The following WWC1 variants were observed in gnomAD, a reference collection of about 807,000 sequenced individuals.
WWC1 encodes the protein protein KIBRA.
Under a neutral mutation model 138.4 loss-of-function variants are expected in WWC1, and 55 were observed. The observed-to-expected ratio is 0.40, with a 90% CI of 0.32 to 0.50. The LOEUF (loss-of-function observed/expected upper bound fraction) is 0.50, where lower values mean the gene tolerates loss of function less well. Ranked by LOEUF, WWC1 falls within the 20% of genes least tolerant of loss-of-function variation. WWC1 has a pLI of 0.72. For missense variants in WWC1, 1,226 were observed against 1,420.4 expected, an observed-to-expected ratio of 0.86 and a Z score of 2.20; for synonymous variants, 524 against 564.9, an observed-to-expected ratio of 0.93 and a Z score of 1.03.
intron 1 of WWC1, among the ~76,000 whole-genome samples, chr5:168,332,471 G>C (rs1261433125): frequency 1.3e-5 from 2 of 152,146 alleles, no homozygotes; most frequent in Non-Finnish European, 2.9e-5. Context: ...TACTTTCTTA[G>C]TAATGAAGTA....
intron 14 of WWC1, 151 bp from the exon 15 acceptor site, chr5:168,431,101 A>G (rs1781899085): frequency 4.5e-6 from 3 of 664,760 alleles, no homozygotes; most frequent in Admixed American, 6.1e-5. Flanking sequence ...AGTTCCTTCC[A>G]GTGTATAGGG....
chr5:168,303,463 G>T (rs1185414205), intron 1 of WWC1, among the ~76,000 whole-genome samples: 2 of 152,064 alleles, frequency 1.3e-5, no homozygotes, highest in Non-Finnish European at 2.9e-5. Flanking sequence ...CAAAAAATGA[G>T]CTGGGCATGG....
chr5:168,462,177 A>T (rs72830946), intron 20 of WWC1, among the ~76,000 whole-genome samples: 16,651 of 152,246 alleles, frequency 0.11, 1,265 homozygotes, highest in Non-Finnish European at 0.16. Flanking sequence ...CTGCCTGCTG[A>T]CAGCCAGAAT....
chr5:168,395,309 C>G (rs1778814351), intron 3 of WWC1, among the ~76,000 whole-genome samples: 1 of 152,214 alleles, frequency 6.6e-6, no homozygotes, highest in African/African-American at 2.4e-5. Context: ...GTCCCCCGCT[C>G]CGCCCCACAC....
intron 3 of WWC1, 69 bp downstream of exon 3, chr5:168,385,483 T>C (rs574514659): frequency 4.0e-6 from 6 of 1,514,130 alleles, no homozygotes; most frequent in South Asian, 2.4e-5. Context: ...GTTCTGCCAA[T>C]ATTGCTTCTC....
At chr5:168,408,416 GGAGGGTAGA>G in intron 6 of WWC1, 82 bp from the exon 7 acceptor site, 10 of 1,466,636 alleles carry the variant, frequency 6.8e-6, no homozygotes, top group African/African-American at 5.6e-5. Flanking sequence ...CTAAATTAAG[GGAGGGTAGA>G]GAGGGAAGCA....
chr5:168,410,888 A>C (rs73392741), intron 8 of WWC1, among the ~76,000 whole-genome samples: 15,500 of 151,158 alleles, frequency 0.1, 886 homozygotes, highest in Middle Eastern at 0.12. Context: ...GTAGAGGCAG[A>C]ATTTGAATCC....
rs1582312318 is a variant in WWC1, at chr5:168,441,829, A to G, written c.2428A>G (p.Ser810Gly). 1 of 1,613,466 alleles carries G rather than the reference A, an allele frequency of 6.2e-7. No homozygotes were observed. The highest frequency in any genetic ancestry group is 8.5e-7 in the Non-Finnish European group (1 of 1,179,722). Reference protein sequence around the residue: ...GVMAPASGPASTDAVSALLEQ... With the variant: ...GVMAPASGPAGTDAVSALLEQ... ...CATGGCCCCTGCCTCAGGGCCTGCCAGCACGGTGAGCTGGGACCAGGTGTG... is the reference window on the plus strand; with the variant it reads ...CATGGCCCCTGCCTCAGGGCCTGCCGGCACGGTGAGCTGGGACCAGGTGTG... The change falls in exon 16 of 23, where the codon AGC becomes GGC. Residue 810 changes from serine (S) to glycine (G), a missense_variant. Ser to Gly is a moderately conservative substitution (Grantham distance 56, BLOSUM62 0). Around this residue, in one of 3 missense-constraint regions of WWC1, gnomAD observed 1,016 missense variants for 1,153.9 expected, o/e 0.88. Coordinates refer to ENST00000265293, the MANE Select transcript of WWC1 (RefSeq NM_015238.3).
intron 5 of WWC1, among the ~76,000 whole-genome samples, chr5:168,401,983 G>A (rs1191016158): frequency 6.6e-6 from 1 of 152,136 alleles, no homozygotes; most frequent in Non-Finnish European, 1.5e-5. Context: ...TTACTGAATG[G>A]GTTCTCTCTG....
chr5:168,338,234 C>T (rs1773668823), intron 1 of WWC1, among the ~76,000 whole-genome samples: 1 of 150,632 alleles, frequency 6.6e-6, no homozygotes, highest in South Asian at 2.1e-4. Flanking sequence ...TCACTGGAAG[C>T]AGGGAGGCGG....
chr5:168,323,943 T>A (rs573021067), intron 1 of WWC1, among the ~76,000 whole-genome samples: 1 of 152,292 alleles, frequency 6.6e-6, no homozygotes, highest in Non-Finnish European at 1.5e-5. Flanking sequence ...TGCGGACTTC[T>A]CATCAGAGAC....
chr5:168,404,029 G>T (rs1779596227), intron 5 of WWC1, among the ~76,000 whole-genome samples: 1 of 150,760 alleles, frequency 6.6e-6, no homozygotes, highest in Non-Finnish European at 1.5e-5. Context: ...TCTCAGAGCC[G>T]CTCTCTGGAG....
In WWC1 at chr5:168,339,826, CTTTCTT is replaced by C. The variant is rs1561630046; in HGVS notation, c.120-31589_120-31584del. 8.1e-4 allele frequency among the ~76,000 whole-genome samples: 80 copies of C among 98,456 alleles called. 1 individual carries two copies. In the Middle Eastern group the frequency reaches 0.016, roughly 20 times the overall value. The allele number at this position is 98,456 out of a possible 152,430, so 64.6% of individuals were successfully genotyped here. Reference sequence around the variant, plus strand: ...TTTGTTTTTCTTTCTTTCTTTCTTTCTTTCTTTTTCTTTTCTTTCTTTCTTTCTCTC... The same window carrying C: ...TTTGTTTTTCTTTCTTTCTTTCTTTCTTTCTTTTCTTTCTTTCTTTCTCTC... On this transcript the variant is annotated intron_variant, in intron 1 of 22. Coordinates refer to ENST00000265293, the MANE Select transcript of WWC1 (RefSeq NM_015238.3).
chr5:168,344,700 A>T (rs867587892), intron 1 of WWC1, among the ~76,000 whole-genome samples: 1 of 152,224 alleles, frequency 6.6e-6, no homozygotes, highest in South Asian at 2.1e-4. Context: ...CACAGCAGGA[A>T]GCAGGGGCTG....
In WWC1 at chr5:168,424,015, A is replaced by G; in HGVS notation, c.1757A>G (p.Gln586Arg). The change falls in exon 11 of 23, where the codon CAG becomes CGG. Residue 586 changes from glutamine (Q) to arginine (R), a missense_variant. Gln to Arg is a conservative substitution (Grantham distance 43). This residue lies in a region of WWC1 where 1,016 missense variants were observed against 1,153.9 expected (regional missense o/e 0.88). Transcript: ENST00000265293. ...GAACTGAGCCTTGGTAACAGCGCCC[A>G]GGAAAGATACCGGCTGGAGGAACCA... ...LCELSLGNSA[Q>R]ERYRLEEPGT... is the part of the protein sequence containing the mutation. The G allele has an allele frequency of 1.9e-6, 3 of 1,613,566 alleles. No homozygotes were observed. Among genetic ancestry groups the G allele is most frequent in the Non-Finnish European group, 2.5e-6 (3 of 1,179,712 alleles).
chr5:168,448,201 G>C (rs1582337016), intron 17 of WWC1, among the ~76,000 whole-genome samples: 3 of 152,282 alleles, frequency 2.0e-5, no homozygotes, highest in Admixed American at 2.0e-4. Flanking sequence ...AAGACTGGAA[G>C]CCTCTCTTGG....
intron 3 of WWC1, among the ~76,000 whole-genome samples, chr5:168,392,832 G>A (rs1194391398): frequency 6.6e-6 from 1 of 152,158 alleles, no homozygotes; most frequent in African/African-American, 2.4e-5. Flanking sequence ...TCCGAGGAAA[G>A]CCTCTAACAG....
intron 21 of WWC1, among the ~76,000 whole-genome samples, chr5:168,465,575 T>TTTTTTTG (rs1757212531): frequency 6.9e-6 from 1 of 144,788 alleles, no homozygotes. Flanking sequence ...TTTTTTTTTT[T>TTTTTTTG]TGGAGATGGG....
intron 17 of WWC1, among the ~76,000 whole-genome samples, chr5:168,445,512 C>T (rs1001368700): frequency 5.3e-5 from 8 of 151,754 alleles, no homozygotes; most frequent in African/African-American, 1.9e-4. Context: ...CCAGCCTGGC[C>T]AACATGGTGA....
Sources: allele counts gnomAD v4.1 joint callset (sites outside exome capture counted in the v4.1 genomes callset), GRCh38; gene constraint gnomAD v4.1.1; regional missense constraint gnomAD v4.1.1; transcripts MANE v1.5; gene names NCBI Gene and HGNC (gene_info 2026-07-23, HGNC 2026-07-21).